ISYNA1: variants seen among roughly 807,000 people sequenced by gnomAD.
ISYNA1 encodes the protein inositol-3-phosphate synthase 1, also known as MI-1-P synthase.
Under a neutral mutation model 50.3 loss-of-function variants are expected in ISYNA1, and 34 were observed. The observed-to-expected ratio is 0.68, with a 90% CI of 0.51 to 0.90. ISYNA1 has a LOEUF of 0.90. Ranked by LOEUF, ISYNA1 falls within the 40% of genes least tolerant of loss-of-function variation. The pLI, the probability that ISYNA1 is intolerant of heterozygous loss-of-function variation, is 0.00. For missense variants in ISYNA1, 718 were observed against 784.8 expected (o/e 0.91, Z 1.02); for synonymous variants, 396 against 349.9 (o/e 1.13, Z -1.47).
At position 18,434,927 on chromosome 19, in the gene ISYNA1, T is replaced by C. The variant is rs1358626831; in HGVS notation, c.1663A>G (p.Met555Val). ...TGACCGGGGCCTCAGGTGGTGGGCA[T>C]TGGGGGCTCCTCTTGCAGATGCCCA... ...ANGHLQEEPP[M>V]PTT The change falls in exon 11 of 11, where the codon ATG becomes GTG. Residue 555 changes from methionine (M) to valine (V), a missense_variant. By Grantham distance (21) the Met-to-Val change is conservative. Coordinates refer to ENST00000338128, the MANE Select transcript of ISYNA1 (RefSeq NM_016368.5). 6 of 1,612,564 alleles carry C rather than the reference T, an allele frequency of 3.7e-6. No homozygotes were observed. The highest frequency in any genetic ancestry group is 2.7e-5 in the African/African-American group (2 of 74,854).
chr19:18,435,112 C>T lies in ISYNA1; in HGVS notation c.1478G>A (p.Cys493Tyr), dbSNP rs1973909630. The change falls in exon 11 of 11, where the codon TGC becomes TAC. Residue 493 changes from cysteine to tyrosine, a missense_variant. By Grantham distance (194) the Cys-to-Tyr change is radical. Coordinates refer to ENST00000338128, the MANE Select transcript of ISYNA1 (RefSeq NM_016368.5). ...GTGGTTCTGTGGCGGGAGCCCCACG[C>T]AGGCCCTGGAGAGGTCACACAGCTT... ...RSCIENILRA[C>Y]VGLPPQNHML... The T allele has an allele frequency of 6.2e-7, 1 of 1,613,084 alleles. No homozygotes were observed. Among genetic ancestry groups the T allele is most frequent in the Admixed American group, 1.7e-5 (1 of 59,994 alleles).
rs935071608 is a variant in ISYNA1 at position 18,436,474 on chromosome 19, C to T, written c.615G>A (p.Glu205=). 39 of 1,604,786 alleles carry T rather than the reference C, an allele frequency of 2.4e-5. 1 individual carries two copies. The highest frequency in any genetic ancestry group is 8.4e-5 in the Admixed American group (5 of 59,814). The change falls in exon 6 of 11, where the codon GAG becomes GAA. Residue 205 remains glutamate (E), a synonymous_variant. Coordinates refer to ENST00000338128, the MANE Select transcript of ISYNA1 (RefSeq NM_016368.5). Reference sequence around the variant, plus strand: ...AGTCTCGGATGTCCCTGCGGATCTGCTCCAGCTGTGGGTTGGATGGTGAGG... The same window carrying T: ...AGTCTCGGATGTCCCTGCGGATCTGTTCCAGCTGTGGGTTGGATGGTGAGG... ...LIPGSRAQQL[E]QIRRDIRDFR...
rs1974137689 is a variant in ISYNA1 at position 18,438,008 on chromosome 19, A to AG, written c.-9-21dup. On this transcript the variant is annotated intron_variant, in intron 1 of 10. Coordinates refer to ENST00000338128, the MANE Select transcript of ISYNA1 (RefSeq NM_016368.5). ...GGCGGGCTGGGGGCCCGGGGTGAGCAGGGGGTCAGCGGGGACTCTAAGCGG... is the reference window on the plus strand; with the variant it reads ...GGCGGGCTGGGGGCCCGGGGTGAGCAGGGGGGTCAGCGGGGACTCTAAGCGG... 7 of 1,532,590 alleles carry AG rather than the reference A, an allele frequency of 4.6e-6. No homozygotes were observed. Among genetic ancestry groups the AG allele is most frequent in the Non-Finnish European group, 5.3e-6 (6 of 1,140,426 alleles). 94.9% of individuals were successfully genotyped at this position (1,532,590 alleles called of 1,614,324 possible).
At position 18,435,916 on chromosome 19, in the gene ISYNA1, C is replaced by T. The variant is rs1436728449; in HGVS notation, c.981G>A (p.Met327Ile). 5 of 1,613,930 alleles carry T rather than the reference C, an allele frequency of 3.1e-6. No individual in the cohort carries two copies. The highest frequency in any genetic ancestry group is 1.3e-5 in the African/African-American group (1 of 75,058). Residue 327 changes from methionine (M) to isoleucine (I), a missense_variant, in exon 8 of 11, where the codon ATG becomes ATA. This residue lies in a region of ISYNA1 where 403 missense variants were observed against 466.6 expected (regional missense o/e 0.86). Transcript: ENST00000338128. ...CCAGGTGGTTGTAACTCACGATGGA[C>T]ATGGTCTGTGGGTACAAGGGAAGCC... Reference protein sequence around the residue: ...DFLIGSGLKTMSIVSYNHLGN... With the variant: ...DFLIGSGLKTISIVSYNHLGN...
At position 18,435,297 on chromosome 19, in the gene ISYNA1, G is replaced by A. The variant is rs771825286; in HGVS notation, c.1441C>T (p.Arg481Cys). Residue 481 changes from arginine to cysteine, a missense_variant, in exon 10 of 11, where the codon CGC (arginine) becomes TGC (cysteine). This residue lies in a region of ISYNA1 where 305 missense variants were observed against 292.6 expected (regional missense o/e 1.04). Coordinates refer to ENST00000338128, the MANE Select transcript of ISYNA1 (RefSeq NM_016368.5). Reference sequence around the variant, plus strand: ...ATGTTCTCGATGCAGCTGCGCTGGCGGAAAAGCGCATTGACCACCGGGCTG... The same window carrying A: ...ATGTTCTCGATGCAGCTGCGCTGGCAGAAAAGCGCATTGACCACCGGGCTG... ...PGSPVVNALF[R>C]QRSCIENILR... is the part of the protein sequence containing the mutation. 11 of 1,607,142 alleles carry A rather than the reference G, an allele frequency of 6.8e-6. No individual in the cohort carries two copies. Among genetic ancestry groups the A allele is most frequent in the Admixed American group, 3.3e-5 (2 of 59,988 alleles).
chr19:18,436,462 C>T lies in ISYNA1; in HGVS notation c.627G>A (p.Arg209=). The change falls in exon 6 of 11, where the codon AGG becomes AGA. Residue 209 remains arginine, a synonymous_variant. Transcript: ENST00000338128. ...SRAQQLEQIR[R]DIRDFRSSAG... ...CGCTAGACCGGAAGTCTCGGATGTC[C>T]CTGCGGATCTGCTCCAGCTGTGGGT... The T allele has an allele frequency of 1.2e-6, 2 of 1,606,066 alleles. No homozygotes were observed. The highest frequency in any genetic ancestry group is 1.7e-6 in the Non-Finnish European group (2 of 1,179,856).
In ISYNA1 at chr19:18,435,888, T is replaced by G. The variant is rs779267153; in HGVS notation, c.1009A>C (p.Asn337His). 1 of 1,614,064 alleles carries G rather than the reference T, an allele frequency of 6.2e-7. No individual in the cohort carries two copies. Among genetic ancestry groups the G allele is most frequent in the Admixed American group, 1.7e-5 (1 of 60,034 alleles). Residue 337 changes from asparagine (N) to histidine (H), a missense_variant, in exon 8 of 11, where the codon AAC (asparagine) becomes CAC (histidine). Coordinates refer to ENST00000338128, the MANE Select transcript of ISYNA1 (RefSeq NM_016368.5). ...GCCGATAGGTTCTCCCCATCGTTGT[T>G]GCCCAGGTGGTTGTAACTCACGATG... The part of the protein sequence containing the change: ...MSIVSYNHLG[N>H]NDGENLSAPL...
In ISYNA1 at chr19:18,437,654, G is replaced by A. The variant is rs1416818948; in HGVS notation, c.227C>T (p.Ala76Val). ...WGGNNGSTLT[A>V]AVLANRLRLS... ...ACGCAGTCGATTGGCCAGCACCGCG[G>A]CGGTGAGTGTGGAGCCGTTGTTCCC... Residue 76 changes from alanine (A) to valine (V), a missense_variant, in exon 3 of 11, where the codon GCC becomes GTC. By Grantham distance (64) the Ala-to-Val change is moderately conservative (BLOSUM62 0). Coordinates refer to ENST00000338128, the MANE Select transcript of ISYNA1 (RefSeq NM_016368.5). 2 of 1,541,792 alleles carry A rather than the reference G, an allele frequency of 1.3e-6. No individual in the cohort carries two copies. Among genetic ancestry groups the A allele is most frequent in the Non-Finnish European group, 1.7e-6 (2 of 1,147,442 alleles).
At chr19:18,435,728 C>CCCAGCG (rs1568364778) in intron 8 of ISYNA1, 29 bp downstream of exon 8, 7 of 1,611,052 alleles carry the variant, frequency 4.3e-6, no homozygotes, top group Non-Finnish European at 5.9e-6. Context: ...CGCCGGGCAA[C>CCCAGCG]CCCGCGCCCG....
rs1051644660 is a variant in ISYNA1 at position 18,434,587 on chromosome 19, C to T, written c.*326G>A. 1.7e-5 allele frequency: 9 copies of T among 520,350 alleles called. No homozygotes were observed. The highest frequency in any genetic ancestry group is 7.3e-5 in the Admixed American group (2 of 27,440). The allele number at this position is 520,350 out of a possible 1,614,324, so 32.2% of individuals were successfully genotyped here. ...AGCTTGTCTCAGATTCCCTCTTTGGCCTTCTGCCACCACACTCTCCACCCT... is the reference window on the plus strand; with the variant it reads ...AGCTTGTCTCAGATTCCCTCTTTGGTCTTCTGCCACCACACTCTCCACCCT... On this transcript the variant is annotated 3_prime_UTR_variant, in exon 11 of 11. Coordinates refer to ENST00000338128, the MANE Select transcript of ISYNA1 (RefSeq NM_016368.5).
Position 18,434,619 on chromosome 19 carries a change from T to C in ISYNA1, c.*294A>G. ...CCACCACACTCTCCACCCTGTGGTCTTGTTCCGTCCCCGCCCCCATCTAGC... is the reference window on the plus strand; with the variant it reads ...CCACCACACTCTCCACCCTGTGGTCCTGTTCCGTCCCCGCCCCCATCTAGC... On this transcript the variant is annotated 3_prime_UTR_variant, in exon 11 of 11. Transcript: ENST00000338128. 2 of 555,412 alleles carry C rather than the reference T, an allele frequency of 3.6e-6. No homozygotes were observed. The highest frequency in any genetic ancestry group is 6.4e-6 in the Non-Finnish European group (2 of 311,826). 34.4% of individuals were successfully genotyped at this position (555,412 alleles called of 1,614,324 possible). A position where few individuals can be genotyped will look rare whatever the true frequency, so the allele number is the denominator to read the frequency against.
Position 18,435,047 on chromosome 19 carries a change from G to T in ISYNA1, c.1543C>A (p.Leu515Ile). 1.2e-6 allele frequency: 2 copies of T among 1,613,680 alleles called. No individual in the cohort carries two copies. Among genetic ancestry groups the T allele is most frequent in the Non-Finnish European group, 8.5e-7 (1 of 1,180,020 alleles). Residue 515 changes from leucine to isoleucine, a missense_variant, in exon 11 of 11, where the codon CTC becomes ATC. Transcript: ENST00000338128. ...EHKMERPGPSLKRVGPVAATY... is the reference protein window; with the variant it reads ...EHKMERPGPSIKRVGPVAATY... ...GCAGCCACGGGTCCAACTCGCTTGAGGCTGGGCCCTGGGCGCTCCATTTTG... is the reference window on the plus strand; with the variant it reads ...GCAGCCACGGGTCCAACTCGCTTGATGCTGGGCCCTGGGCGCTCCATTTTG...
rs747025973 is a variant in ISYNA1, at chr19:18,435,427, G to C, written c.1311C>G (p.Cys437Trp). The C allele has an allele frequency of 2.9e-5, 47 of 1,610,288 alleles. No individual in the cohort carries two copies. Among genetic ancestry groups the C allele is most frequent in the Non-Finnish European group, 3.7e-5 (44 of 1,179,918 alleles). ...MLDLALLTEL[C>W]QRVSFCTDMD... The stretch of plus-strand genomic sequence containing the variant: ...TGTCAGTGCAGAAGCTCACGCGCTG[G>C]CACAGCTCGGTCAGCAGCGCTAGGT... Residue 437 changes from cysteine (C) to tryptophan (W), a missense_variant, in exon 10 of 11, where the codon TGC (cysteine) becomes TGG (tryptophan). Cys to Trp is a radical substitution (Grantham distance 215). Around this residue, in one of 3 missense-constraint regions of ISYNA1, gnomAD observed 305 missense variants for 292.6 expected, o/e 1.04. Coordinates refer to ENST00000338128, the MANE Select transcript of ISYNA1 (RefSeq NM_016368.5).
At position 18,437,905 on chromosome 19, in the gene ISYNA1, G is replaced by A. The variant is rs753351535; in HGVS notation, c.75C>T (p.Tyr25=). 15 of 1,611,778 alleles carry A rather than the reference G, an allele frequency of 9.3e-6. No individual in the cohort carries two copies. Among genetic ancestry groups the A allele is most frequent in the Non-Finnish European group, 1.2e-5 (14 of 1,179,736 alleles). ...GGCTGACGCGCGTCGTCCGGTACTC[G>A]TATTGCGCCTCGATGGCCTCGGGGC... ...VYGPEAIEAQ[Y]EYRTTRVSRE... The change falls in exon 2 of 11, where the codon TAC becomes TAT. Residue 25 remains tyrosine (Y), a synonymous_variant. Coordinates refer to ENST00000338128, the MANE Select transcript of ISYNA1 (RefSeq NM_016368.5).
chr19:18,435,343 C>T lies in ISYNA1; in HGVS notation c.1395G>A (p.Lys465=). The T allele has an allele frequency of 6.2e-7, 1 of 1,610,544 alleles. No homozygotes were observed. Among genetic ancestry groups the T allele is most frequent in the South Asian group, 1.1e-5 (1 of 91,082 alleles). ...GGCTGCCGGGCGGCACTAGTGGCGCCTTGAAGAGGAAGCTGAGCAGGGACA... is the reference window on the plus strand; with the variant it reads ...GGCTGCCGGGCGGCACTAGTGGCGCTTTGAAGAGGAAGCTGAGCAGGGACA... ...PVLSLLSFLF[K]APLVPPGSPV... The change falls in exon 10 of 11, where the codon AAG becomes AAA. Residue 465 remains lysine, a synonymous_variant. Coordinates refer to ENST00000338128, the MANE Select transcript of ISYNA1 (RefSeq NM_016368.5).
intron 4 of ISYNA1, 33 bp downstream of exon 4, chr19:18,436,936 CCCAT>C: frequency 6.5e-7 from 1 of 1,529,206 alleles, no homozygotes; most frequent in Non-Finnish European, 9.0e-7. Context: ...GACCCCATCT[CCCAT>C]CCCGCCCCAC....
chr19:18,436,819 G>T lies in ISYNA1; in HGVS notation c.474C>A (p.Asp158Glu). 2 of 1,594,712 alleles carry T rather than the reference G, an allele frequency of 1.3e-6. No individual in the cohort carries two copies. The highest frequency in any genetic ancestry group is 8.5e-7 in the Non-Finnish European group (1 of 1,173,890). The change falls in exon 5 of 11, where the codon GAC (aspartate) becomes GAA (glutamate). Residue 158 changes from aspartate (D) to glutamate (E), a missense_variant. Physicochemically the swap from Asp to Glu is conservative, Grantham distance 45 (BLOSUM62 2). This residue lies in a region of ISYNA1 where 403 missense variants were observed against 466.6 expected (regional missense o/e 0.86). Transcript: ENST00000338128. The part of the protein sequence containing the change: ...AEAMRRAKVL[D>E]WGLQEQLWPH... ...GCCACAGTTGCTCCTGCAGCCCCCAGTCCAGCACCTTCGCGCGCCGCATCG... is the reference window on the plus strand; with the variant it reads ...GCCACAGTTGCTCCTGCAGCCCCCATTCCAGCACCTTCGCGCGCCGCATCG...
intron 7 of ISYNA1, 40 bp from the exon 8 acceptor site, chr19:18,435,961 C>T (rs1406479202): frequency 3.7e-6 from 6 of 1,612,868 alleles, no homozygotes; most frequent in Non-Finnish European, 1.7e-6. Context: ...GCAGGCCCTG[C>T]GGCCCCACAA....
In ISYNA1 at chr19:18,437,726, G is replaced by A. The variant is rs1167514892; in HGVS notation, c.155C>T (p.Thr52Ile). 1.3e-6 allele frequency: 2 copies of A among 1,566,488 alleles called. No individual in the cohort carries two copies. The highest frequency in any genetic ancestry group is 1.2e-5 in the South Asian group (1 of 86,060). Residue 52 changes from threonine to isoleucine, a missense_variant, in exon 3 of 11, where the codon ACC becomes ATC. Thr to Ile is a moderately conservative substitution (Grantham distance 89, BLOSUM62 -1). This residue lies in a region of ISYNA1 where 403 missense variants were observed against 466.6 expected (regional missense o/e 0.86). Coordinates refer to ENST00000338128, the MANE Select transcript of ISYNA1 (RefSeq NM_016368.5). ...CCCGAGCCGGGGCACCTGCCGGGCG[G>A]TCCGGAAGGTGAAGCGCGTGGACGT... ...HPTSTRFTFR[T>I]ARQVPRLGVM...
Sources: allele counts gnomAD v4.1 joint callset, GRCh38; gene constraint gnomAD v4.1.1; regional missense constraint gnomAD v4.1.1; transcripts MANE v1.5; gene names NCBI Gene and HGNC (gene_info 2026-07-23, HGNC 2026-07-21).